FKBP5: variants seen among roughly 807,000 people sequenced by gnomAD.
The protein encoded by FKBP5 is FKBP prolyl isomerase 5.
In FKBP5, 23 loss-of-function variants were observed where a neutral mutation model predicts 50.5. That is an observed-to-expected ratio of 0.46 (90% confidence interval 0.33 to 0.65). The LOEUF is 0.65. Ranked by LOEUF, FKBP5 falls within the 30% of genes least tolerant of loss-of-function variation. The probability of loss-of-function intolerance (pLI) is 0.02; values close to 1 mark genes in which losing one functional copy is unlikely to be tolerated. For synonymous variants in FKBP5, 176 were observed against 190.6 expected, an observed-to-expected ratio of 0.92 and a Z score of 0.63; for missense variants, 411 against 553.1, an observed-to-expected ratio of 0.74 and a Z score of 2.58.
rs368205092 is a variant in FKBP5, at chr6:35,580,011, C to T, written c.1026+25G>A. The T allele has an allele frequency of 6.2e-5, 98 of 1,580,314 alleles. No homozygotes were observed. The African/African-American group carries it at 1.2e-3, about 20-fold the overall frequency. On this transcript the variant is annotated intron_variant, in intron 9 of 10. Transcript: ENST00000357266. ...GAAAAGATCTGGAGTATCTAAAGTC[C>T]ATCTCACAGGAGACACGATGTTACC...
chr6:35,712,042 T>TAAA (rs71002597), intron 2 of FKBP5, among the ~76,000 whole-genome samples: 2,793 of 128,192 alleles, frequency 0.022, 61 homozygotes, highest in African/African-American at 0.051. Flanking sequence ...CTGGGCTAAT[T>TAAA]AAAAAAAAAA....
intron 5 of FKBP5, chr6:35,608,028 A>C (rs953179096): frequency 6.6e-6 from 1 of 152,336 alleles, no homozygotes. Flanking sequence ...TATACCATGA[A>C]ATACTATGCA....
At chr6:35,704,821 C>T (rs1766251215) in intron 2 of FKBP5, among the ~76,000 whole-genome samples, 1 of 151,830 alleles carries the variant, frequency 6.6e-6, no homozygotes, top group Non-Finnish European at 1.5e-5. Flanking sequence ...GAGATGATAA[C>T]ATAGTACAAA....
intron 7 of FKBP5, among the ~76,000 whole-genome samples, chr6:35,589,120 ATATATATATT>A (rs1762725801): frequency 8.0e-6 from 1 of 125,548 alleles, no homozygotes; most frequent in African/African-American, 3.2e-5. Flanking sequence ...TTATATATAT[ATATATATATT>A]TTTTTTTTTT....
chr6:35,723,770 G>A (rs1401152503), intron 1 of FKBP5, among the ~76,000 whole-genome samples: 1 of 152,246 alleles, frequency 6.6e-6, no homozygotes, highest in East Asian at 1.9e-4. Context: ...TCCCCTGGGG[G>A]TAGGCAGATA....
At position 35,580,090 on chromosome 6, in the gene FKBP5, G is replaced by A. The variant is rs200659828; in HGVS notation, c.972C>T (p.Ala324=). The change falls in exon 9 of 11, where the codon GCC becomes GCT. Residue 324 remains alanine, a synonymous_variant. Coordinates refer to ENST00000357266, the MANE Select transcript of FKBP5 (RefSeq NM_004117.4). ...SFLLAAFLNL[A]MCYLKLREYT... is the part of the protein sequence containing the mutation. The stretch of plus-strand genomic sequence containing the variant: ...ATTCTCTAAGCTTCAGGTAGCACAT[G>A]GCCAGGTTCAGAAAGGCAGCAAGGA... 1.4e-5 allele frequency: 23 copies of A among 1,613,960 alleles called. No homozygotes were observed. The highest frequency in any genetic ancestry group is 1.9e-5 in the Non-Finnish European group (22 of 1,179,988).
At chr6:35,642,965 G>A in intron 1 of FKBP5, 122 bp from the exon 2 acceptor site, 1 of 644,248 alleles carries the variant, frequency 1.6e-6, no homozygotes, top group Admixed American at 2.9e-5. Flanking sequence ...CTTAGATACT[G>A]AAAATGAAAA....
chr6:35,580,201 C>G lies in FKBP5; in HGVS notation c.861G>C (p.Ala287=). 6.2e-7 allele frequency: 1 copy of G among 1,612,954 alleles called. No homozygotes were observed. The highest frequency in any genetic ancestry group is 8.5e-7 in the Non-Finnish European group (1 of 1,179,174). Reference sequence around the variant, plus strand: ...ACACTATCTTCCCATACTGAATCACCGCCTGCATGTATTTGCCTCCCTAGG... The same window carrying G: ...ACACTATCTTCCCATACTGAATCACGGCCTGCATGTATTTGCCTCCCTAGG... The part of the protein sequence containing the change: ...VYFKGGKYMQ[A]VIQYGKIVSW... The change falls in exon 9 of 11, where the codon GCG becomes GCC. Residue 287 remains alanine, a synonymous_variant. Coordinates refer to ENST00000357266, the MANE Select transcript of FKBP5 (RefSeq NM_004117.4).
At chr6:35,595,019 C>T (rs147469374) in intron 6 of FKBP5, among the ~76,000 whole-genome samples, 17 of 152,276 alleles carry the variant, frequency 1.1e-4, no homozygotes, top group Non-Finnish European at 2.1e-4. Context: ...TCACACACTG[C>T]GGGCTCATGT....
intron 1 of FKBP5, among the ~76,000 whole-genome samples, chr6:35,663,202 G>A (rs980324561): frequency 6.6e-6 from 1 of 152,124 alleles, no homozygotes; most frequent in African/African-American, 2.4e-5. Flanking sequence ...GAGGGGGAGG[G>A]CTTCTCACAG....
At chr6:35,706,817 A>G (rs1350968806) in intron 2 of FKBP5, among the ~76,000 whole-genome samples, 1 of 152,240 alleles carries the variant, frequency 6.6e-6, no homozygotes, top group East Asian at 1.9e-4. Context: ...CAATTTGATC[A>G]TCAGTAGCAG....
chr6:35,589,093 TA>T (rs1463318712), intron 7 of FKBP5, among the ~76,000 whole-genome samples: 3,600 of 124,512 alleles, frequency 0.029, 63 homozygotes, highest in African/African-American at 0.06. Flanking sequence ...TATATATTTT[TA>T]TATATATATA....
chr6:35,685,142 T>C (rs948799065), intron 1 of FKBP5, among the ~76,000 whole-genome samples: 6 of 152,212 alleles, frequency 3.9e-5, no homozygotes, highest in Middle Eastern at 3.2e-3. Flanking sequence ...ACAAATTATT[T>C]TGAGTAGTGG....
intron 5 of FKBP5, among the ~76,000 whole-genome samples, chr6:35,610,567 CAAA>C (rs35101873): frequency 5.1e-5 from 3 of 58,620 alleles, no homozygotes; most frequent in South Asian, 2.0e-3. Context: ...GACTCCGTCT[CAAA>C]AAAAAAAAAA....
Position 35,726,536 on chromosome 6 carries a change from C to CCACACA in FKBP5, c.-241+1966_-241+1971dup, listed in dbSNP as rs10599241. 4.9e-3 allele frequency among the ~76,000 whole-genome samples: 687 copies of CCACACA among 139,434 alleles called. 1 individual carries two copies. The highest frequency in any genetic ancestry group is 0.011 in the Middle Eastern group (3 of 280). The allele number at this position is 139,434 out of a possible 152,430, so 91.5% of individuals were successfully genotyped here. A position where few individuals can be genotyped will look rare whatever the true frequency, so the allele number is the denominator to read the frequency against. On this transcript the variant is annotated intron_variant, in intron 1 of 11. Coordinates refer to the FKBP5 transcript ENST00000536438. ...TCCACCCCTCCCATCTCCTCCTCCT[C>CCACACA]CACACACACACACACACACACACAC... is the stretch of plus-strand genomic sequence containing the variant.
At chr6:35,679,945 A>G (rs1418057702) in intron 1 of FKBP5, among the ~76,000 whole-genome samples, 1 of 152,086 alleles carries the variant, frequency 6.6e-6, no homozygotes, top group Non-Finnish European at 1.5e-5. Context: ...AAACTTATAA[A>G]TAAAAATATA....
At chr6:35,680,340 G>C (rs906699247) in intron 1 of FKBP5, among the ~76,000 whole-genome samples, 1 of 152,194 alleles carries the variant, frequency 6.6e-6, no homozygotes, top group Non-Finnish European at 1.5e-5. Flanking sequence ...TGAGGCAGGA[G>C]AATCATTTGA....
At chr6:35,600,127 A>G (rs77062724) in intron 5 of FKBP5, among the ~76,000 whole-genome samples, 380 of 152,366 alleles carry the variant, frequency 2.5e-3, no homozygotes, top group Non-Finnish European at 3.8e-3. Context: ...TTGAGAAGGT[A>G]AAGATATGGA....
At chr6:35,666,492 A>G (rs1765227254) in intron 1 of FKBP5, among the ~76,000 whole-genome samples, 1 of 151,472 alleles carries the variant, frequency 6.6e-6, no homozygotes, top group Non-Finnish European at 1.5e-5. Flanking sequence ...ATTAAAAATA[A>G]AGACACAGTT....
Sources: gnomAD v4.1 joint callset for allele counts (sites outside exome capture counted in the v4.1 genomes callset) on GRCh38, gnomAD v4.1.1 for gene constraint, MANE v1.5 for transcripts, NCBI Gene and HGNC (gene_info 2026-07-23, HGNC 2026-07-21) for gene names.